The following USH2A variants were observed in gnomAD, a reference collection of about 807,000 sequenced individuals.
USH2A encodes the protein Usher syndrome 2A (autosomal recessive, mild).
A neutral mutation model predicts 538.9 loss-of-function variants in USH2A; 443 were observed. The observed-to-expected ratio is 0.82, with a 90% CI of 0.76 to 0.89. The LOEUF (loss-of-function observed/expected upper bound fraction) is 0.89, where lower values mean the gene tolerates loss of function less well. Ranked by LOEUF, USH2A falls within the 40% of genes least tolerant of loss-of-function variation. The probability of loss-of-function intolerance (pLI) is 0.00; values close to 1 mark genes in which losing one functional copy is unlikely to be tolerated. For synonymous variants in USH2A, 2,413 were observed against 2,273.5 expected, an observed-to-expected ratio of 1.06 and a Z score of -1.75; for missense variants, 6,633 against 6,324.8, an observed-to-expected ratio of 1.05 and a Z score of -1.65.
chr1:216,199,628 A>G lies in USH2A; in HGVS notation c.3810T>C (p.Asn1270=). 6.2e-7 allele frequency: 1 copy of G among 1,613,974 alleles called. No homozygotes were observed. Among genetic ancestry groups the G allele is most frequent in the South Asian group, 1.1e-5 (1 of 91,070 alleles). The change falls in exon 17 of 72, where the codon AAT becomes AAC. Residue 1270 remains asparagine (N), a splice_region_variant and synonymous_variant. Coordinates refer to ENST00000307340, the MANE Select transcript of USH2A (RefSeq NM_206933.4). The stretch of plus-strand genomic sequence containing the variant: ...GGAATCTCAGCCTTGGATTCTTACC[A>G]TTTAGTTCCGCTGGTGGAGACCATT... ...HVEWSPPAEL[N]GIIIRYELYM...
chr1:216,306,035 T>C (rs1196669485), intron 9 of USH2A, among the ~76,000 whole-genome samples: 2 of 152,210 alleles, frequency 1.3e-5, no homozygotes, highest in Admixed American at 6.5e-5. Context: ...TCTTTCAGCT[T>C]CTTGTATTTG....
intron 48 of USH2A, among the ~76,000 whole-genome samples, chr1:215,815,825 A>G (rs1280837388): frequency 6.6e-6 from 1 of 151,984 alleles, no homozygotes; most frequent in Non-Finnish European, 1.5e-5. Context: ...TTTGCCACTA[A>G]AGTTATAGGG....
At chr1:216,352,921 A>G (rs770606098) in intron 4 of USH2A, among the ~76,000 whole-genome samples, 5 of 152,136 alleles carry the variant, frequency 3.3e-5, no homozygotes, top group Non-Finnish European at 7.4e-5. Flanking sequence ...GGCATAAGAC[A>G]GGAAAGTGAA....
intron 32 of USH2A, among the ~76,000 whole-genome samples, chr1:216,010,235 G>A (rs1465179103): frequency 6.6e-6 from 1 of 152,190 alleles, no homozygotes. Flanking sequence ...CTGAACTGCA[G>A]CGGCCAGGCC....
At chr1:216,190,673 A>C (rs1008066234) in intron 19 of USH2A, among the ~76,000 whole-genome samples, 1 of 152,046 alleles carries the variant, frequency 6.6e-6, no homozygotes, top group Non-Finnish European at 1.5e-5. Context: ...GTAGAGATAA[A>C]GACGGTGACA....
At chr1:216,087,434 C>T (rs2032168912) in intron 23 of USH2A, among the ~76,000 whole-genome samples, 1 of 152,096 alleles carries the variant, frequency 6.6e-6, no homozygotes, top group African/African-American at 2.4e-5. Flanking sequence ...AAACCTGCTT[C>T]TCCCACAGTC....
intron 37 of USH2A, among the ~76,000 whole-genome samples, chr1:215,958,736 C>A (rs942743466): frequency 6.6e-6 from 1 of 152,176 alleles, no homozygotes; most frequent in African/African-American, 2.4e-5. Flanking sequence ...CTCAAAAAAA[C>A]CAAATCTCCC....
chr1:215,932,486 A>G lies in USH2A; in HGVS notation c.7300+2130T>C, dbSNP rs17025633. Reference sequence around the variant, plus strand: ...TAAGTAAAAGGAAGCATGAACTAAAACCTATTTAATCAATGAGGTATCACC... The same window carrying G: ...TAAGTAAAAGGAAGCATGAACTAAAGCCTATTTAATCAATGAGGTATCACC... On this transcript the variant is annotated intron_variant, in intron 38 of 71. Coordinates refer to ENST00000307340, the MANE Select transcript of USH2A (RefSeq NM_206933.4). 1.8e-3 allele frequency among the ~76,000 whole-genome samples: 275 copies of G among 152,186 alleles called. 5 individuals carry two copies. The East Asian group carries it at 0.049, about 27-fold the overall frequency.
intron 21 of USH2A, among the ~76,000 whole-genome samples, chr1:216,171,303 C>T (rs900057593): frequency 2.0e-5 from 3 of 151,932 alleles, no homozygotes; most frequent in Admixed American, 2.0e-4. Context: ...ATTGATCATG[C>T]AACAAAATCC....
intron 32 of USH2A, among the ~76,000 whole-genome samples, chr1:216,022,742 G>T (rs986861375): frequency 1.3e-5 from 2 of 152,020 alleles, no homozygotes; most frequent in African/African-American, 4.8e-5. Flanking sequence ...TATTAGAATC[G>T]ACTGGGACAG....
chr1:216,193,180 A>C (rs1286400517), intron 19 of USH2A, among the ~76,000 whole-genome samples: 19 of 152,202 alleles, frequency 1.2e-4, no homozygotes. Context: ...AAAAACAACA[A>C]AATAAAACAT....
chr1:215,803,487 T>C (rs957514363), intron 49 of USH2A, among the ~76,000 whole-genome samples: 1 of 152,022 alleles, frequency 6.6e-6, no homozygotes, highest in Non-Finnish European at 1.5e-5. Flanking sequence ...TATACACCAA[T>C]AACAGACAAG....
chr1:215,822,061 C>T (rs1663030606), intron 47 of USH2A, among the ~76,000 whole-genome samples: 1 of 151,908 alleles, frequency 6.6e-6, no homozygotes, highest in Non-Finnish European at 1.5e-5. Context: ...AGTGTAATGC[C>T]TCCAGCTTTG....
rs1663829575 is a variant in USH2A, at chr1:215,845,890, T to A, written c.8989A>T (p.Ile2997Phe). The change falls in exon 45 of 72, where the codon ATC becomes TTC. Residue 2997 changes from isoleucine to phenylalanine, a missense_variant. By Grantham distance (21) the Ile-to-Phe change is conservative. Transcript: ENST00000307340. ...CTGTGGACTCCATTGAAGACAGAGATAAAGATCCAATACTCTGTGTTTGGC... is the reference window on the plus strand; with the variant it reads ...CTGTGGACTCCATTGAAGACAGAGAAAAAGATCCAATACTCTGTGTTTGGC... The part of the protein sequence containing the change: ...LKPNTEYWIF[I>F]SVFNGVHSIN... 3 of 1,613,794 alleles carry A rather than the reference T, an allele frequency of 1.9e-6. No individual in the cohort carries two copies. The African/African-American group carries it at 4.0e-5, about 22-fold the overall frequency.
chr1:215,940,920 T>A (rs577271677), intron 37 of USH2A, among the ~76,000 whole-genome samples: 2 of 152,168 alleles, frequency 1.3e-5, no homozygotes, highest in Non-Finnish European at 2.9e-5. Flanking sequence ...GTTGTGCCCA[T>A]ACAAGAGCAA....
intron 19 of USH2A, among the ~76,000 whole-genome samples, chr1:216,195,004 C>T (rs1239953771): frequency 1.3e-5 from 2 of 152,020 alleles, no homozygotes; most frequent in African/African-American, 4.8e-5. Context: ...CAGATAGACC[C>T]CAAGAGCTTG....
chr1:216,059,651 G>A (rs550002751), intron 30 of USH2A, among the ~76,000 whole-genome samples: 1 of 152,254 alleles, frequency 6.6e-6, no homozygotes, highest in Non-Finnish European at 1.5e-5. Flanking sequence ...ATGCAGGCAA[G>A]GCTCTACCAA....
Position 216,085,001 on chromosome 1 carries a change from C to T in USH2A, c.4988-124G>A, listed in dbSNP as rs1041600880. 6 of 876,058 alleles carry T rather than the reference C, an allele frequency of 6.8e-6. No individual in the cohort carries two copies. The Admixed American group carries it at 1.3e-4, about 19-fold the overall frequency. The allele number at this position is 876,058 out of a possible 1,614,324, so 54.3% of individuals were successfully genotyped here. On this transcript the variant is annotated intron_variant, in intron 24 of 71. Transcript: ENST00000307340. ...CTCTCACTACCTATTTACTGCAAGC[C>T]TCTTAATGATTCATGTAAACACCAC...
intron 21 of USH2A, among the ~76,000 whole-genome samples, chr1:216,171,262 T>C (rs1006095893): frequency 6.6e-6 from 1 of 152,070 alleles, no homozygotes; most frequent in Non-Finnish European, 1.5e-5. Flanking sequence ...ACATTCTATG[T>C]TCACAGAATT....
Sources: allele counts gnomAD v4.1 joint callset (sites outside exome capture counted in the v4.1 genomes callset), GRCh38; gene constraint gnomAD v4.1.1; transcripts MANE v1.5; gene names NCBI Gene and HGNC (gene_info 2026-07-23, HGNC 2026-07-21).